The following PCDH9 variants were observed in gnomAD, a reference collection of about 807,000 sequenced individuals.
The protein encoded by PCDH9 is protocadherin-9.
Under a neutral mutation model 70.6 loss-of-function variants are expected in PCDH9, and 24 were observed. The observed-to-expected ratio is 0.34, with a 90% CI of 0.25 to 0.48. The LOEUF (loss-of-function observed/expected upper bound fraction) is 0.48. PCDH9 is among the 20% of genes least tolerant of loss of function. PCDH9 has a pLI of 0.99. For synonymous variants in PCDH9, 562 were observed against 558.5 expected (o/e 1.01, Z -0.09); for missense variants, 1,281 against 1,503.6 (o/e 0.85, Z 2.45).
chr13:67,180,204 T>C (rs1029010255), intron 2 of PCDH9, among the ~76,000 whole-genome samples: 1 of 152,164 alleles, frequency 6.6e-6, no homozygotes, highest in Non-Finnish European at 1.5e-5. Flanking sequence ...TTTATCTCCT[T>C]AATTATGTAT....
chr13:66,744,931 A>G (rs1371627732), intron 3 of PCDH9, among the ~76,000 whole-genome samples: 2 of 152,144 alleles, frequency 1.3e-5, no homozygotes, highest in Non-Finnish European at 2.9e-5. Context: ...TCTTTTCTCT[A>G]TTTCTTTCAT....
chr13:66,556,292 T>C (rs1961736837), intron 4 of PCDH9, among the ~76,000 whole-genome samples: 1 of 152,130 alleles, frequency 6.6e-6, no homozygotes, highest in South Asian at 2.1e-4. Flanking sequence ...AATCTGTTTG[T>C]TTCTCCCAGA....
At chr13:66,804,938 T>C (rs1462855010) in intron 3 of PCDH9, among the ~76,000 whole-genome samples, 7 of 152,262 alleles carry the variant, frequency 4.6e-5, no homozygotes, top group Admixed American at 3.9e-4. Context: ...TGGGAATATA[T>C]AGTCAACCAG....
chr13:66,824,651 GATATATATATATAT>G (rs67211029), intron 3 of PCDH9, among the ~76,000 whole-genome samples: 2,984 of 98,924 alleles, frequency 0.03, 94 homozygotes, highest in Admixed American at 0.063. Context: ...GCGAAACTCT[GATATATATATATAT>G]ATATATATAT....
intron 3 of PCDH9, among the ~76,000 whole-genome samples, chr13:66,844,373 T>A (rs1408129179): frequency 6.6e-6 from 1 of 151,802 alleles, no homozygotes; most frequent in Non-Finnish European, 1.5e-5. Context: ...GATCCCGAGG[T>A]CAGGAGTTCA....
rs191065775 is a variant in PCDH9 at position 66,449,778 on chromosome 13, T to C, written c.3341-144750A>G. On this transcript the variant is annotated intron_variant, in intron 4 of 4. Coordinates refer to ENST00000377865, the MANE Select transcript of PCDH9 (RefSeq NM_203487.3). ...TTTATATCCCAATCGTACAGTAATATAAATAAACTGATTATAATATTCCTT... is the reference window on the plus strand; with the variant it reads ...TTTATATCCCAATCGTACAGTAATACAAATAAACTGATTATAATATTCCTT... 4.5e-4 allele frequency among the ~76,000 whole-genome samples: 69 copies of C among 152,118 alleles called. 1 individual carries two copies. The highest frequency in any genetic ancestry group is 7.2e-4 in the Admixed American group (11 of 15,256).
chr13:66,723,242 T>A (rs1322568398), intron 3 of PCDH9, among the ~76,000 whole-genome samples: 1 of 152,084 alleles, frequency 6.6e-6, no homozygotes, highest in Non-Finnish European at 1.5e-5. Context: ...CAGCTTCTTA[T>A]TCAAAAACAA....
intron 3 of PCDH9, among the ~76,000 whole-genome samples, chr13:66,885,830 C>G (rs562928803): frequency 6.6e-6 from 1 of 152,134 alleles, no homozygotes; most frequent in Admixed American, 6.5e-5. Context: ...TACCTTAGAC[C>G]CAGAAATAGC....
At chr13:66,983,482 T>A (rs2083819575) in intron 2 of PCDH9, among the ~76,000 whole-genome samples, 1 of 151,424 alleles carries the variant, frequency 6.6e-6, no homozygotes, top group Non-Finnish European at 1.5e-5. Flanking sequence ...GAAATGTAAT[T>A]AGCCAAATAT....
chr13:66,992,045 C>A (rs2084013713), intron 2 of PCDH9, among the ~76,000 whole-genome samples: 1 of 151,842 alleles, frequency 6.6e-6, no homozygotes, highest in Non-Finnish European at 1.5e-5. Flanking sequence ...TCTAATGTTA[C>A]AATGAAAGGC....
intron 4 of PCDH9, among the ~76,000 whole-genome samples, chr13:66,500,431 T>C (rs969201609): frequency 6.6e-6 from 1 of 152,110 alleles, no homozygotes; most frequent in Non-Finnish European, 1.5e-5. Context: ...AGGAATTGCT[T>C]TTTCTTTCAT....
chr13:67,226,591 T>C lies in PCDH9; in HGVS notation c.1850A>G (p.Asn617Ser). 1 of 1,614,040 alleles carries C rather than the reference T, an allele frequency of 6.2e-7. No homozygotes were observed. Residue 617 changes from asparagine (N) to serine (S), a missense_variant, in exon 2 of 5, where the codon AAT (asparagine) becomes AGT (serine). This residue lies in a region of PCDH9 where 798 missense variants were observed against 1,003.1 expected (regional missense o/e 0.80). Transcript: ENST00000377865. The surrounding 1 kb of genome is among the most constrained non-coding windows in gnomAD (Gnocchi z 5.0). ...VTLSILNDNDNFVLDPYSGVI... is the reference protein window; with the variant it reads ...VTLSILNDNDSFVLDPYSGVI... ...TCCAGAATAGGGATCCAACACAAAA[T>C]TATCATTGTCATTTAGAATGGAAAG...
intron 3 of PCDH9, among the ~76,000 whole-genome samples, chr13:66,798,112 C>A (rs1297948832): frequency 6.6e-6 from 1 of 151,966 alleles, no homozygotes; most frequent in Non-Finnish European, 1.5e-5. Flanking sequence ...GGGAGTTCAA[C>A]AAAGTCAGTC....
intron 4 of PCDH9, among the ~76,000 whole-genome samples, chr13:66,381,325 A>G (rs1956844763): frequency 6.6e-6 from 1 of 152,186 alleles, no homozygotes; most frequent in South Asian, 2.1e-4. Context: ...TGGAGCATCC[A>G]TTTCCTCATT....
chr13:66,545,387 A>AT (rs1961141205), intron 4 of PCDH9, among the ~76,000 whole-genome samples: 1 of 152,178 alleles, frequency 6.6e-6, no homozygotes, highest in Non-Finnish European at 1.5e-5. Flanking sequence ...TTAATAAAAA[A>AT]TTTCAAGACA....
intron 4 of PCDH9, among the ~76,000 whole-genome samples, chr13:66,510,558 T>C (rs1326058366): frequency 2.0e-5 from 3 of 152,076 alleles, no homozygotes; most frequent in Admixed American, 6.6e-5. Flanking sequence ...CCCCTTCCTG[T>C]GTCCAGGTGT....
chr13:66,529,710 C>T (rs1437026602), intron 4 of PCDH9, among the ~76,000 whole-genome samples: 1 of 151,822 alleles, frequency 6.6e-6, no homozygotes, highest in East Asian at 1.9e-4. Context: ...TTGCCTCTTG[C>T]TTCTTATATC....
intron 3 of PCDH9, among the ~76,000 whole-genome samples, chr13:66,882,135 C>T (rs1432997356): frequency 6.6e-6 from 1 of 152,144 alleles, no homozygotes; most frequent in African/African-American, 2.4e-5. Context: ...CAGAAGTTCT[C>T]TTTGTGGTAA....
At chr13:66,932,847 C>T (rs1468028897) in intron 2 of PCDH9, among the ~76,000 whole-genome samples, 1 of 151,028 alleles carries the variant, frequency 6.6e-6, no homozygotes, top group African/African-American at 2.4e-5. Context: ...CGCTAAAACA[C>T]TTCTAGAATG....
Sources: allele counts gnomAD v4.1 joint callset (sites outside exome capture counted in the v4.1 genomes callset), GRCh38; gene constraint gnomAD v4.1.1; regional missense constraint gnomAD v4.1.1; non-coding constraint Gnocchi (gnomAD v3.1); transcripts MANE v1.5; gene names NCBI Gene and HGNC (gene_info 2026-07-23, HGNC 2026-07-21).